The following NTRK3 variants were observed in gnomAD, a reference collection of about 807,000 sequenced individuals.
The protein encoded by NTRK3 is NT-3 growth factor receptor.
Under a neutral mutation model 91.7 loss-of-function variants are expected in NTRK3, and 24 were observed. The observed-to-expected ratio is 0.26, with a 90% CI of 0.19 to 0.37. The LOEUF is 0.37. NTRK3 is among the 10% of genes least tolerant of loss of function. NTRK3 has a pLI of 1.00. For synonymous variants in NTRK3, 483 were observed against 404.0 expected, an observed-to-expected ratio of 1.20 and a Z score of -2.34; for missense variants, 880 against 1,068.9, an observed-to-expected ratio of 0.82 and a Z score of 2.46.
intron 13 of NTRK3, among the ~76,000 whole-genome samples, chr15:88,054,190 C>T (rs547074164): frequency 1.3e-5 from 2 of 152,140 alleles, no homozygotes; most frequent in African/African-American, 4.8e-5. Context: ...TCAGTCAATC[C>T]AAAAAATATA....
intron 17 of NTRK3, among the ~76,000 whole-genome samples, chr15:87,915,579 C>A (rs967479667): frequency 6.6e-6 from 1 of 152,134 alleles, no homozygotes; most frequent in Non-Finnish European, 1.5e-5. Context: ...GAGTGGGTGG[C>A]TTTTTTTATT....
intron 14 of NTRK3, among the ~76,000 whole-genome samples, chr15:88,014,663 G>A (rs140380179): frequency 6.6e-6 from 1 of 152,266 alleles, no homozygotes; most frequent in African/African-American, 2.4e-5. Flanking sequence ...ATCTTGGGCT[G>A]CCACTTTTCC....
In NTRK3 at chr15:88,042,343, G is replaced by A. The variant is rs545218896; in HGVS notation, c.1397-9298C>T. Among the ~76,000 whole-genome samples the A allele has an allele frequency of 4.6e-5, 7 of 152,158 alleles. No homozygotes were observed. The South Asian group carries it at 1.5e-3, about 32-fold the overall frequency. On this transcript the variant is annotated intron_variant, in intron 13 of 18. Transcript: ENST00000394480. Reference sequence around the variant, plus strand: ...TGTGGGACAGAGGCCAAGTGAACACGGGCTGTGCTCAAGAACAGACCTGGG... The same window carrying A: ...TGTGGGACAGAGGCCAAGTGAACACAGGCTGTGCTCAAGAACAGACCTGGG...
At chr15:88,022,795 A>C (rs936737443) in intron 14 of NTRK3, among the ~76,000 whole-genome samples, 5 of 152,128 alleles carry the variant, frequency 3.3e-5, no homozygotes, top group African/African-American at 1.2e-4. Flanking sequence ...TTTTAAAGCC[A>C]ATTACCTTGT....
chr15:88,050,113 A>G (rs1181296455), intron 13 of NTRK3, among the ~76,000 whole-genome samples: 1 of 152,294 alleles, frequency 6.6e-6, no homozygotes, highest in South Asian at 2.1e-4. Context: ...AATGCAGTTA[A>G]GCACCAAGAA....
exon 2 of NTRK3, chr15:88,256,350 C>A: frequency 6.3e-6 from 4 of 634,146 alleles, no homozygotes; most frequent in Admixed American, 2.4e-5. Context: ...ACGCCGCCGC[C>A]GCCGCCGCCG....
intron 3 of NTRK3, among the ~76,000 whole-genome samples, chr15:88,228,303 A>C: frequency 6.6e-6 from 1 of 151,798 alleles, no homozygotes; most frequent in African/African-American, 2.4e-5. Flanking sequence ...TCTGATTTTC[A>C]TCCCTCCATC....
intron 15 of NTRK3, among the ~76,000 whole-genome samples, chr15:87,939,461 C>T (rs939569308): frequency 6.6e-6 from 1 of 152,206 alleles, no homozygotes; most frequent in Non-Finnish European, 1.5e-5. Flanking sequence ...CACCCAGGCT[C>T]TTTGATGCCC....
chr15:88,057,030 A>G (rs1050023016), intron 13 of NTRK3, among the ~76,000 whole-genome samples: 1 of 150,752 alleles, frequency 6.6e-6, no homozygotes, highest in Non-Finnish European at 1.5e-5. Flanking sequence ...TTAGCCGGGC[A>G]TGGTGGCGCG....
Position 88,147,316 on chromosome 15 carries a change from T to A in NTRK3, c.464+19A>T. ...TACCAGCACTTCAGTACCTGGACAG[T>A]CTTCAAAACCAAACTTACAATTCCC... is the stretch of plus-strand genomic sequence containing the variant. On this transcript the variant is annotated intron_variant, in intron 6 of 18. Transcript: ENST00000394480. 3 of 1,611,626 alleles carry A rather than the reference T, an allele frequency of 1.9e-6. No homozygotes were observed. The highest frequency in any genetic ancestry group is 2.5e-6 in the Non-Finnish European group (3 of 1,177,978).
chr15:88,174,300 G>A (rs564092607), intron 5 of NTRK3, among the ~76,000 whole-genome samples: 4 of 152,244 alleles, frequency 2.6e-5, no homozygotes, highest in African/African-American at 9.6e-5. Context: ...CAACGTCACA[G>A]CATAAGGCCA....
chr15:88,079,029 G>A (rs1048762556), intron 13 of NTRK3, among the ~76,000 whole-genome samples: 1 of 152,214 alleles, frequency 6.6e-6, no homozygotes, highest in South Asian at 2.1e-4. Flanking sequence ...AGAGATGGGA[G>A]TGCAGGGAGC....
intron 6 of NTRK3, among the ~76,000 whole-genome samples, chr15:88,143,015 G>A (rs1436302356): frequency 6.6e-6 from 1 of 151,406 alleles, no homozygotes; most frequent in Non-Finnish European, 1.5e-5. Context: ...AGGAGTTCGA[G>A]ACCAGCTTAG....
At chr15:87,917,003 A>G (rs2067493802) in intron 17 of NTRK3, among the ~76,000 whole-genome samples, 1 of 152,160 alleles carries the variant, frequency 6.6e-6, no homozygotes, top group Non-Finnish European at 1.5e-5. Flanking sequence ...ACCTCAAGTG[A>G]TCCCCCCGCC....
chr15:87,927,535 C>A (rs2083507008), intron 17 of NTRK3: 3 of 152,150 alleles, frequency 2.0e-5, no homozygotes, highest in Admixed American at 2.0e-4. Flanking sequence ...CTGCCATGAT[C>A]CTGGCAATAC....
chr15:87,989,862 C>T (rs2075152044), intron 14 of NTRK3, among the ~76,000 whole-genome samples: 1 of 152,138 alleles, frequency 6.6e-6, no homozygotes, highest in Non-Finnish European at 1.5e-5. Context: ...CCACCTCAGC[C>T]TCCCAAAGCG....
At chr15:87,981,846 C>T (rs138460370) in intron 14 of NTRK3, among the ~76,000 whole-genome samples, 104 of 152,228 alleles carry the variant, frequency 6.8e-4, no homozygotes, top group Middle Eastern at 6.8e-3. Context: ...TGTGACAAGG[C>T]GGGGATGATG....
intron 3 of NTRK3, among the ~76,000 whole-genome samples, chr15:88,194,132 C>G (rs142886269): frequency 6.6e-6 from 1 of 152,330 alleles, no homozygotes; most frequent in East Asian, 1.9e-4. Context: ...ACATTCTTTC[C>G]TCTCTGGCTT....
At chr15:88,099,237 G>A (rs2049935108) in intron 13 of NTRK3, 1 of 228,780 alleles carries the variant, frequency 4.4e-6, no homozygotes, top group Admixed American at 5.7e-5. Context: ...GGAATTCACA[G>A]AACCAGGGAA....
Sources: allele counts gnomAD v4.1 joint callset (sites outside exome capture counted in the v4.1 genomes callset), GRCh38; gene constraint gnomAD v4.1.1; transcripts MANE v1.5; gene names NCBI Gene and HGNC (gene_info 2026-07-23, HGNC 2026-07-21).